Variants in DNAH6 observed in about 807,000 individuals in gnomAD.
DNAH6 encodes axonemal beta dynein heavy chain 6.
A neutral mutation model predicts 491.4 loss-of-function variants in DNAH6; 340 were observed. The ratio of observed to expected loss-of-function variants is 0.69; its 90% CI spans 0.63 to 0.76. DNAH6 has a LOEUF of 0.76. Ranked by LOEUF, DNAH6 falls within the 30% of genes least tolerant of loss-of-function variation. The probability of loss-of-function intolerance (pLI) is 0.00; values close to 1 mark genes in which losing one functional copy is unlikely to be tolerated. For synonymous variants in DNAH6, 1,603 were observed against 1,686.1 expected, an observed-to-expected ratio of 0.95 and a Z score of 1.21; for missense variants, 4,443 against 4,972.2, an observed-to-expected ratio of 0.89 and a Z score of 3.20.
chr2:84,577,438 AT>A, intron 13 of DNAH6, 30 bp downstream of exon 13: 1 of 1,469,972 alleles, frequency 6.8e-7, no homozygotes, highest in Non-Finnish European at 9.2e-7. Flanking sequence ...AAAAATAATT[AT>A]TCCTCTACAA....
chr2:84,771,258 AGCCTGG>A (rs1441136396), intron 64 of DNAH6, among the ~76,000 whole-genome samples: 1 of 151,946 alleles, frequency 6.6e-6, no homozygotes, highest in Non-Finnish European at 1.5e-5. Flanking sequence ...ATTGCACTCT[AGCCTGG>A]GCAACAAGAA....
rs557945691 is a variant in DNAH6 at position 84,815,711 on chromosome 2, A to G, written c.12151-150A>G. 288 of 623,914 alleles carry G rather than the reference A, an allele frequency of 4.6e-4. 1 individual carries two copies. Among genetic ancestry groups the G allele is most frequent in the African/African-American group, 3.0e-3 (162 of 54,464 alleles). The allele number at this position is 623,914 out of a possible 1,614,324, so 38.6% of individuals were successfully genotyped here. ...ACATTTTTTTGCCTCTCAGAGCCTC[A>G]GGATTGACCTCTCTAAAATGTGAAT... is the stretch of plus-strand genomic sequence containing the variant. On this transcript the variant is annotated intron_variant, in intron 75 of 76. Coordinates refer to ENST00000389394, the MANE Select transcript of DNAH6 (RefSeq NM_001370.2).
intron 72 of DNAH6, among the ~76,000 whole-genome samples, chr2:84,809,501 C>A (rs1247145710): frequency 6.6e-6 from 1 of 152,126 alleles, no homozygotes; most frequent in Admixed American, 6.5e-5. Context: ...AGTCAGCAGG[C>A]TAAGTCTCTC....
intron 63 of DNAH6, 146 bp downstream of exon 63, chr2:84,745,395 G>A (rs996964498): frequency 4.7e-5 from 28 of 595,404 alleles, no homozygotes; most frequent in Non-Finnish European, 4.2e-5. Flanking sequence ...GCCGAGCGCC[G>A]TGGCTCACGC....
rs778683393 is a variant in DNAH6 at position 84,781,594 on chromosome 2, A to G, written c.10805A>G (p.His3602Arg). ...SGNWVFLQNCHLAVSWMLAME... is the reference protein window; with the variant it reads ...SGNWVFLQNCRLAVSWMLAME... ...AACTGGGTATTTTTGCAAAATTGCC[A>G]TCTTGCTGTTTCTTGGATGTTGGCA... The change falls in exon 65 of 77, where the codon CAT becomes CGT. Residue 3602 changes from histidine to arginine, a missense_variant. By Grantham distance (29) the His-to-Arg change is conservative (BLOSUM62 0). Coordinates refer to ENST00000389394, the MANE Select transcript of DNAH6 (RefSeq NM_001370.2). 3 of 1,551,892 alleles carry G rather than the reference A, an allele frequency of 1.9e-6. No homozygotes were observed. The highest frequency in any genetic ancestry group is 1.2e-5 in the South Asian group (1 of 84,056).
chr2:84,763,018 C>T, intron 64 of DNAH6, 73 bp downstream of exon 64: 2 of 1,182,124 alleles, frequency 1.7e-6, no homozygotes, highest in Non-Finnish European at 2.5e-6. Flanking sequence ...TGCCTTTGTT[C>T]TTCCCCTTGT....
intron 75 of DNAH6, among the ~76,000 whole-genome samples, chr2:84,815,310 C>T (rs1680379551): frequency 6.6e-6 from 1 of 151,988 alleles, no homozygotes; most frequent in Non-Finnish European, 1.5e-5. Flanking sequence ...TATCCAAAGA[C>T]CTCGGGCCAG....
At chr2:84,564,392 CT>C (rs1680967843) in intron 11 of DNAH6, among the ~76,000 whole-genome samples, 1 of 152,040 alleles carries the variant, frequency 6.6e-6, no homozygotes, top group African/African-American at 2.4e-5. Context: ...ATGTAGAAAT[CT>C]TTTATCTCCT....
Position 84,660,619 on chromosome 2 carries a change from TA to T in DNAH6, c.6084+1460del, listed in dbSNP as rs566529589. On this transcript the variant is annotated intron_variant, in intron 37 of 76. Transcript: ENST00000389394. Reference sequence around the variant, plus strand: ...TTTACATAGTTTCTAAGTATTTACTTAAAAAAAAAACTTGCAAACAGCACCT... The same window carrying T: ...TTTACATAGTTTCTAAGTATTTACTTAAAAAAAAACTTGCAAACAGCACCT... 1.0e-3 allele frequency among the ~76,000 whole-genome samples: 152 copies of T among 149,172 alleles called. 1 individual carries two copies. Among genetic ancestry groups the T allele is most frequent in the African/African-American group, 2.9e-3 (119 of 40,690 alleles).
At chr2:84,575,825 A>C (rs1035861316) in intron 12 of DNAH6, among the ~76,000 whole-genome samples, 2 of 152,156 alleles carry the variant, frequency 1.3e-5, no homozygotes, top group African/African-American at 2.4e-5. Flanking sequence ...CGGAGCTTGC[A>C]GTGAGCCGAG....
At position 84,549,993 on chromosome 2, in the gene DNAH6, C is replaced by T; in HGVS notation, c.1421C>T (p.Thr474Ile). 1 of 1,614,002 alleles carries T rather than the reference C, an allele frequency of 6.2e-7. No homozygotes were observed. The highest frequency in any genetic ancestry group is 8.5e-7 in the Non-Finnish European group (1 of 1,179,954). Residue 474 changes from threonine (T) to isoleucine (I), a missense_variant, in exon 9 of 77, where the codon ACA (threonine) becomes ATA (isoleucine). Physicochemically the swap from Thr to Ile is moderately conservative, Grantham distance 89. Coordinates refer to ENST00000389394, the MANE Select transcript of DNAH6 (RefSeq NM_001370.2). ...LNHLTDKLKRTPSADVIQKWI... is the reference protein window; with the variant it reads ...LNHLTDKLKRIPSADVIQKWI... ...CATCTCACTGACAAGCTAAAACGAA[C>T]ACCTTCAGCAGATGTCATTCAGAAA... is the stretch of plus-strand genomic sequence containing the variant.
intron 45 of DNAH6, among the ~76,000 whole-genome samples, chr2:84,692,589 ATTATGT>A (rs1468010816): frequency 2.0e-5 from 3 of 152,298 alleles, no homozygotes; most frequent in East Asian, 3.9e-4. Context: ...TAAGTTTTAA[ATTATGT>A]TTATATTTTA....
chr2:84,710,250 C>G (rs1558943830), intron 55 of DNAH6, 37 bp from the exon 56 acceptor site: 5 of 1,540,060 alleles, frequency 3.2e-6, no homozygotes, highest in Non-Finnish European at 4.4e-6. Context: ...TTATTATGCT[C>G]TGAAGCAAAT....
At position 84,787,255 on chromosome 2, in the gene DNAH6, A is replaced by G. The variant is rs1677288022; in HGVS notation, c.11192A>G (p.Tyr3731Cys). ...TGTGCTTTACTGAATCTCAAACTCT[A>G]TTGTAAAGAAGGAAAGATTCCCTGG... ...RECALLNLKL[Y>C]CKEGKIPWDA... The change falls in exon 68 of 77, where the codon TAT becomes TGT. Residue 3731 changes from tyrosine (Y) to cysteine (C), a missense_variant. Coordinates refer to ENST00000389394, the MANE Select transcript of DNAH6 (RefSeq NM_001370.2). 8 of 1,547,504 alleles carry G rather than the reference A, an allele frequency of 5.2e-6. No individual in the cohort carries two copies. Among genetic ancestry groups the G allele is most frequent in the South Asian group, 1.2e-5 (1 of 83,564 alleles).
chr2:84,478,421 G>A, the DNAH6 span, among the ~76,000 whole-genome samples: 4 of 152,248 alleles, frequency 2.6e-5, no homozygotes, highest in Admixed American at 6.5e-5. Flanking sequence ...GGAACTTTCT[G>A]AAATGCACCT....
chr2:84,561,709 A>G (rs1680694862), intron 11 of DNAH6, among the ~76,000 whole-genome samples: 1 of 152,036 alleles, frequency 6.6e-6, no homozygotes, highest in Admixed American at 6.6e-5. Context: ...AAAACAAACA[A>G]CCCCATCAAA....
intron 18 of DNAH6, among the ~76,000 whole-genome samples, chr2:84,598,976 G>A (rs142941147): frequency 6.8e-6 from 1 of 147,792 alleles, no homozygotes; most frequent in East Asian, 2.0e-4. Context: ...GTTTCAGTGA[G>A]CCGAAATTGC....
chr2:84,594,112 A>C, intron 17 of DNAH6, 27 bp downstream of exon 17: 1 of 1,222,452 alleles, frequency 8.2e-7, no homozygotes, highest in Non-Finnish European at 1.2e-6. Flanking sequence ...TTCAGTTCTC[A>C]AATTATTTTT....
chr2:84,669,003 G>T (rs1299235262), intron 37 of DNAH6, among the ~76,000 whole-genome samples: 1 of 152,154 alleles, frequency 6.6e-6, no homozygotes, highest in Admixed American at 6.5e-5. Context: ...GACAGTATTT[G>T]GCATGGCGTA....
Sources: allele counts gnomAD v4.1 joint callset (sites outside exome capture counted in the v4.1 genomes callset), GRCh38; gene constraint gnomAD v4.1.1; transcripts MANE v1.5; gene names NCBI Gene and HGNC (gene_info 2026-07-23, HGNC 2026-07-21).